STAG1: variants seen among roughly 807,000 people sequenced by gnomAD.
STAG1 encodes cohesin subunit SA-1.
In STAG1, 26 loss-of-function variants were observed where a neutral mutation model predicts 170.9. That is an observed-to-expected ratio of 0.15 (90% CI 0.11 to 0.21). The LOEUF (loss-of-function observed/expected upper bound fraction) is 0.21, where lower values mean the gene tolerates loss of function less well. Ranked by LOEUF, STAG1 falls within the 10% of genes least tolerant of loss-of-function variation. The pLI, the probability that STAG1 is intolerant of heterozygous loss-of-function variation, is 1.00. For synonymous variants in STAG1, 514 were observed against 497.7 expected (o/e 1.03, Z -0.44); for missense variants, 964 against 1,509.5 (o/e 0.64, Z 5.99).
At chr3:136,680,816 C>A (rs1004349731) in intron 1 of STAG1, among the ~76,000 whole-genome samples, 1 of 150,880 alleles carries the variant, frequency 6.6e-6, no homozygotes, top group African/African-American at 2.4e-5. Context: ...TACCTATATA[C>A]GTATAAAAGT....
chr3:136,611,067 T>G (rs950831455), intron 3 of STAG1, among the ~76,000 whole-genome samples: 1 of 152,190 alleles, frequency 6.6e-6, no homozygotes, highest in African/African-American at 2.4e-5. Context: ...ATGAAACATC[T>G]TGGGGATGGA....
Position 136,383,204 on chromosome 3 carries a change from T to C in STAG1, c.2278-5452A>G, listed in dbSNP as rs6807971. Among the ~76,000 whole-genome samples the C allele has an allele frequency of 7.1e-3, 1,087 of 152,260 alleles. 14 individuals carry two copies. Among genetic ancestry groups the C allele is most frequent in the African/African-American group, 0.024 (1,006 of 41,548 alleles). On this transcript the variant is annotated intron_variant, in intron 22 of 33. Coordinates refer to ENST00000383202, the MANE Select transcript of STAG1 (RefSeq NM_005862.3). The stretch of plus-strand genomic sequence containing the variant: ...AGGATTTGCCAATTTAAGACTCCAA[T>C]AGTAAGAAAACAAAGAAGTCTCATA...
intron 9 of STAG1, among the ~76,000 whole-genome samples, chr3:136,478,954 G>C (rs1289992723): frequency 6.6e-6 from 1 of 151,568 alleles, no homozygotes; most frequent in East Asian, 1.9e-4. Context: ...ATACCACCTA[G>C]CTCACAGTTA....
At chr3:136,725,347 G>C (rs978950237) in intron 1 of STAG1, among the ~76,000 whole-genome samples, 2 of 152,090 alleles carry the variant, frequency 1.3e-5, no homozygotes, top group Non-Finnish European at 2.9e-5. Flanking sequence ...TCTAAAATCT[G>C]ACTAGCTTGA....
chr3:136,434,811 T>G (rs2088407935), intron 15 of STAG1, among the ~76,000 whole-genome samples: 2 of 152,198 alleles, frequency 1.3e-5, no homozygotes, highest in Non-Finnish European at 2.9e-5. Flanking sequence ...TTGCTTGCTC[T>G]TTTGCTCTTC....
intron 1 of STAG1, among the ~76,000 whole-genome samples, chr3:136,696,629 G>A (rs1031694324): frequency 5.3e-5 from 8 of 152,080 alleles, no homozygotes; most frequent in Admixed American, 2.0e-4. Flanking sequence ...GGAGTGAAGA[G>A]GGGTTTTTTG....
chr3:136,523,737 G>T (rs918303195), intron 6 of STAG1, among the ~76,000 whole-genome samples: 2 of 152,106 alleles, frequency 1.3e-5, no homozygotes, highest in Non-Finnish European at 2.9e-5. Flanking sequence ...GGTCTAACAT[G>T]TAAGTCTTTA....
chr3:136,467,187 T>C (rs1025127412), intron 12 of STAG1, among the ~76,000 whole-genome samples: 1 of 152,190 alleles, frequency 6.6e-6, no homozygotes, highest in African/African-American at 2.4e-5. Flanking sequence ...ATGGGCTAAA[T>C]GCTCCAATTA....
chr3:136,528,193 G>A (rs1935165207), intron 6 of STAG1, among the ~76,000 whole-genome samples: 2 of 152,182 alleles, frequency 1.3e-5, no homozygotes, highest in South Asian at 4.1e-4. Flanking sequence ...GGAGTCTACA[G>A]AGGCAGACAG....
intron 3 of STAG1, among the ~76,000 whole-genome samples, chr3:136,622,121 A>C (rs1246415817): frequency 1.4e-5 from 2 of 144,068 alleles, no homozygotes; most frequent in African/African-American, 5.1e-5. Context: ...AACATGACGA[A>C]ACCCCATCTC....
intron 5 of STAG1, among the ~76,000 whole-genome samples, chr3:136,559,583 C>A (rs759767708): frequency 6.6e-6 from 1 of 152,144 alleles, no homozygotes; most frequent in Non-Finnish European, 1.5e-5. Flanking sequence ...AGCCATGGTG[C>A]CCAAACTGTG....
At chr3:136,723,682 G>A (rs1389855671) in intron 1 of STAG1, among the ~76,000 whole-genome samples, 1 of 146,836 alleles carries the variant, frequency 6.8e-6, no homozygotes, top group East Asian at 2.1e-4. Flanking sequence ...CGCCCGGCCA[G>A]CCACCCCGTC....
intron 13 of STAG1, among the ~76,000 whole-genome samples, chr3:136,454,244 A>G (rs2089036844): frequency 6.6e-6 from 1 of 151,094 alleles, no homozygotes; most frequent in Non-Finnish European, 1.5e-5. Context: ...ATGCCCAGCT[A>G]ATTTTTGTAT....
chr3:136,647,739 T>TA (rs1941082341), intron 1 of STAG1, among the ~76,000 whole-genome samples: 5 of 152,320 alleles, frequency 3.3e-5, no homozygotes, highest in Admixed American at 2.6e-4. Flanking sequence ...ATATAGCCTG[T>TA]AATTTCGTAT....
intron 4 of STAG1, 136 bp from the exon 5 acceptor site, chr3:136,568,997 T>C (rs761598268): frequency 1.9e-5 from 12 of 625,680 alleles, no homozygotes; most frequent in Admixed American, 3.1e-5. Flanking sequence ...TATTTCTCTG[T>C]AGCCTAATAA....
In STAG1 at chr3:136,591,261, A is replaced by AGGGAGGAG. The variant is rs1351952296; in HGVS notation, c.297+13040_297+13047dup. On this transcript the variant is annotated intron_variant, in intron 4 of 33. Coordinates refer to ENST00000383202, the MANE Select transcript of STAG1 (RefSeq NM_005862.3). ...GGAGGGAGGGAGGGAGGAAGGGAGG[A>AGGGAGGAG]GGGAGGAGGGGAGGAGGGAAGGCGG... Among the ~76,000 whole-genome samples the AGGGAGGAG allele has an allele frequency of 1.8e-4, 18 of 101,990 alleles. No individual in the cohort carries two copies. The East Asian group carries it at 3.7e-3, about 21-fold the overall frequency. 66.9% of individuals were successfully genotyped at this position (101,990 alleles called of 152,430 possible).
At chr3:136,597,084 AT>A (rs931606245) in intron 4 of STAG1, among the ~76,000 whole-genome samples, 11 of 151,852 alleles carry the variant, frequency 7.2e-5, no homozygotes, top group Admixed American at 3.9e-4. Context: ...TTAAAAAAAA[AT>A]TTTTTTTCAG....
At chr3:136,485,620 C>G (rs138223561) in intron 9 of STAG1, among the ~76,000 whole-genome samples, 1 of 152,148 alleles carries the variant, frequency 6.6e-6, no homozygotes, top group Admixed American at 6.5e-5. Context: ...ATATCCACTG[C>G]TCAGCTAAGA....
chr3:136,498,616 A>G (rs961566300), intron 9 of STAG1, among the ~76,000 whole-genome samples: 1 of 151,790 alleles, frequency 6.6e-6, no homozygotes, highest in African/African-American at 2.4e-5. Context: ...TTATAGGTGT[A>G]TATATGTCAA....
Sources: gnomAD v4.1 joint callset for allele counts (sites outside exome capture counted in the v4.1 genomes callset) on GRCh38, gnomAD v4.1.1 for gene constraint, MANE v1.5 for transcripts, NCBI Gene and HGNC (gene_info 2026-07-23, HGNC 2026-07-21) for gene names.